Variants in LINGO2 observed in about 807,000 individuals in gnomAD.
The protein encoded by LINGO2 is leucine rich repeat and Ig domain containing 2.
A neutral mutation model predicts 30.6 loss-of-function variants in LINGO2; 14 were observed. The observed-to-expected ratio is 0.46, with a 90% CI of 0.30 to 0.72. The LOEUF is 0.72. Ranked by LOEUF, LINGO2 falls within the 30% of genes least tolerant of loss-of-function variation. The pLI is 0.07. For missense variants in LINGO2, 729 were observed against 751.7 expected (o/e 0.97, Z 0.35); for synonymous variants, 317 against 288.5 (o/e 1.10, Z -1.00).
intron 4 of LINGO2, among the ~76,000 whole-genome samples, chr9:28,038,824 G>C (rs114188473): frequency 0.011 from 1,649 of 152,208 alleles, 34 homozygotes; most frequent in African/African-American, 0.038. Flanking sequence ...GTATTTTTCA[G>C]ATACTGAAGA....
rs542536797 is a variant in LINGO2 at position 28,470,654 on chromosome 9, A to G, written c.-279+5286T>C. Among the ~76,000 whole-genome samples the G allele has an allele frequency of 7.2e-5, 11 of 152,272 alleles. No individual in the cohort carries two copies. The South Asian group carries it at 2.3e-3, about 32-fold the overall frequency. On this transcript the variant is annotated intron_variant, in intron 2 of 5. Transcript: ENST00000379992. ...TGGGGTATGCAATCATTCTCCTGCA[A>G]CAAATTCTAATCATCGCCATTCAGC...
intron 1 of LINGO2, among the ~76,000 whole-genome samples, chr9:28,575,444 C>A (rs1053541582): frequency 1.3e-5 from 2 of 150,856 alleles, no homozygotes; most frequent in Non-Finnish European, 3.0e-5. Flanking sequence ...AAAAAAACCA[C>A]GTTTTCACTC....
chr9:29,127,923 G>C, the LINGO2 span, among the ~76,000 whole-genome samples: 2 of 152,124 alleles, frequency 1.3e-5, no homozygotes, highest in Non-Finnish European at 2.9e-5. Flanking sequence ...AGAAGATAAT[G>C]TCTCTTAAGC....
the LINGO2 span, among the ~76,000 whole-genome samples, chr9:28,995,159 A>C: frequency 9.2e-5 from 14 of 152,284 alleles, no homozygotes; most frequent in Non-Finnish European, 1.2e-4. Context: ...CAATGAACTC[A>C]AACAAATTTA....
chr9:29,188,037 T>TTTTTTTTTTTTTTG, the LINGO2 span, among the ~76,000 whole-genome samples: 1 of 123,614 alleles, frequency 8.1e-6, no homozygotes, highest in East Asian at 2.5e-4. Flanking sequence ...TTTTTTTTTT[T>TTTTTTTTTTTTTTG]ATTGATCATT....
At chr9:28,542,802 T>C (rs1821759988) in intron 1 of LINGO2, among the ~76,000 whole-genome samples, 2 of 152,002 alleles carry the variant, frequency 1.3e-5, no homozygotes, top group Non-Finnish European at 2.9e-5. Context: ...CACGTTAGTA[T>C]CCTGGTTATG....
At chr9:27,946,283 G>A (rs1212698024), downstream of LINGO2, among the ~76,000 whole-genome samples, 4 of 152,038 alleles carry the variant, frequency 2.6e-5, no homozygotes, top group East Asian at 7.7e-4. Context: ...TGATAGACTG[G>A]TCAACAGGAC....
chr9:28,752,066 A>G, the LINGO2 span, among the ~76,000 whole-genome samples: 7 of 152,180 alleles, frequency 4.6e-5, no homozygotes, highest in South Asian at 1.2e-3. Context: ...AGTATTTAGT[A>G]AAGTGGCCAG....
At chr9:28,055,700 C>T (rs1824901293) in intron 4 of LINGO2, among the ~76,000 whole-genome samples, 1 of 152,100 alleles carries the variant, frequency 6.6e-6, no homozygotes, top group South Asian at 2.1e-4. Flanking sequence ...TTGTTAACTA[C>T]CTGTTACTTA....
the LINGO2 span, among the ~76,000 whole-genome samples, chr9:28,963,645 C>T: frequency 6.6e-6 from 1 of 151,238 alleles, no homozygotes; most frequent in East Asian, 1.9e-4. Flanking sequence ...GATGCAAATG[C>T]AGGTCATTAT....
At chr9:28,888,857 C>T in the LINGO2 span, 1 of 533,258 alleles carries the variant, frequency 1.9e-6, no homozygotes, top group East Asian at 5.5e-5. Flanking sequence ...CATTGCAAAG[C>T]AGTAGAAATG....
At chr9:28,049,489 T>C (rs2133049005) in intron 4 of LINGO2, among the ~76,000 whole-genome samples, 1 of 150,516 alleles carries the variant, frequency 6.6e-6, no homozygotes, top group South Asian at 2.1e-4. Flanking sequence ...ACATTGCATA[T>C]AGGGACTAGG....
At chr9:28,254,957 C>T (rs940432939) in intron 4 of LINGO2, among the ~76,000 whole-genome samples, 1 of 151,924 alleles carries the variant, frequency 6.6e-6, no homozygotes, top group African/African-American at 2.4e-5. Context: ...TGTGTTGCTC[C>T]TATGTGTCCA....
At chr9:28,221,608 C>T (rs1820970009) in intron 4 of LINGO2, among the ~76,000 whole-genome samples, 1 of 152,104 alleles carries the variant, frequency 6.6e-6, no homozygotes, top group Non-Finnish European at 1.5e-5. Flanking sequence ...TTTCCAATTA[C>T]TTGTCAAATT....
chr9:28,497,201 G>A (rs4292782), intron 1 of LINGO2, among the ~76,000 whole-genome samples: 23,574 of 152,008 alleles, frequency 0.16, 2,004 homozygotes, highest in East Asian at 0.21. Context: ...TTTGAATGTT[G>A]GCCTGCCTTG....
At chr9:28,347,228 A>G (rs1245088198) in intron 3 of LINGO2, among the ~76,000 whole-genome samples, 2 of 152,222 alleles carry the variant, frequency 1.3e-5, no homozygotes, top group African/African-American at 4.8e-5. Context: ...TTCAGCAAAA[A>G]TTATTAAACC....
the LINGO2 span, among the ~76,000 whole-genome samples, chr9:29,207,032 T>C: frequency 3.3e-5 from 5 of 151,928 alleles, no homozygotes; most frequent in Non-Finnish European, 7.4e-5. Context: ...TGTGTGTGTG[T>C]ATGTGTACAT....
the LINGO2 span, among the ~76,000 whole-genome samples, chr9:28,996,258 T>G: frequency 1.9e-4 from 29 of 152,282 alleles, no homozygotes; most frequent in Admixed American, 1.1e-3. Flanking sequence ...ATAAATAGCA[T>G]TACCTTAACT....
chr9:28,016,180 G>A (rs1822827089), intron 4 of LINGO2, among the ~76,000 whole-genome samples: 1 of 151,884 alleles, frequency 6.6e-6, no homozygotes, highest in African/African-American at 2.4e-5. Flanking sequence ...TAATCTCAGG[G>A]TAATTGCTTT....
Sources: allele counts gnomAD v4.1 joint callset (sites outside exome capture counted in the v4.1 genomes callset), GRCh38; gene constraint gnomAD v4.1.1; transcripts MANE v1.5; gene names NCBI Gene and HGNC (gene_info 2026-07-23, HGNC 2026-07-21).